TULP1: variants seen among roughly 807,000 people sequenced by gnomAD.
TULP1 encodes TUB like protein 1, also known as tubby-related protein 1.
A neutral mutation model predicts 67.1 loss-of-function variants in TULP1; 50 were observed. That is an observed-to-expected ratio of 0.75 (90% CI 0.59 to 0.94). The LOEUF (loss-of-function observed/expected upper bound fraction) is 0.94. Among genes scored for constraint, TULP1 ranks in the 40% least tolerant of loss-of-function variants. The pLI, the probability that TULP1 is intolerant of heterozygous loss-of-function variation, is 0.00. For synonymous variants in TULP1, 297 were observed against 294.0 expected (o/e 1.01, Z -0.11); for missense variants, 746 against 734.1 (o/e 1.02, Z -0.19).
Position 35,506,242 on chromosome 6 carries a change from T to C in TULP1, c.828+32A>G, listed in dbSNP as rs76949152. The C allele has an allele frequency of 2.7e-4, 430 of 1,604,818 alleles. 5 individuals carry two copies. The African/African-American group carries it at 4.6e-3, about 17-fold the overall frequency. On this transcript the variant is annotated intron_variant, in intron 9 of 14. Transcript: ENST00000229771. ...CCCCGCTCCCAGCAGGTCCCAGTGC[T>C]GAGACACGGGCAGCCCGGCAGGACA... is the stretch of plus-strand genomic sequence containing the variant.
At chr6:35,510,014 C>A in intron 5 of TULP1, 86 bp from the exon 6 acceptor site, 1 of 1,318,740 alleles carries the variant, frequency 7.6e-7, no homozygotes, top group Non-Finnish European at 1.1e-6. Context: ...TGCCTATAGT[C>A]CCCAGGGAGG....
intron 11 of TULP1, chr6:35,504,274 G>GGCTGCAGT: frequency 4.2e-6 from 1 of 236,712 alleles, no homozygotes; most frequent in Non-Finnish European, 8.5e-6. Flanking sequence ...GGGAGGTCGA[G>GGCTGCAGT]GCTGCAGTGA....
At chr6:35,504,812 C>T (rs929119506) in intron 11 of TULP1, among the ~76,000 whole-genome samples, 4 of 151,908 alleles carry the variant, frequency 2.6e-5, no homozygotes, top group African/African-American at 4.8e-5. Flanking sequence ...GTGATCCGCC[C>T]GCCTCAGCCT....
At chr6:35,505,935 C>T (rs1451684020) in intron 10 of TULP1, 68 bp downstream of exon 10, 3 of 1,614,048 alleles carry the variant, frequency 1.9e-6, no homozygotes, top group Non-Finnish European at 2.5e-6. Flanking sequence ...GAAATCAGGC[C>T]CGTTTGTCCC....
chr6:35,502,538 G>T (rs1760986673), intron 13 of TULP1, among the ~76,000 whole-genome samples: 1 of 151,790 alleles, frequency 6.6e-6, no homozygotes, highest in Admixed American at 6.6e-5. Flanking sequence ...CTGTTGCCCA[G>T]GCTGGAGTGC....
At position 35,498,205 on chromosome 6, in the gene TULP1, G is replaced by A; in HGVS notation, c.*122C>T. ...GACGGAGGTCACCGAGAGGCAGTGAGAGGTCAGCCCCGACACAGGAGCAGT... is the reference window on the plus strand; with the variant it reads ...GACGGAGGTCACCGAGAGGCAGTGAAAGGTCAGCCCCGACACAGGAGCAGT... On this transcript the variant is annotated 3_prime_UTR_variant, in exon 15 of 15. Coordinates refer to ENST00000229771, the MANE Select transcript of TULP1 (RefSeq NM_003322.6). This position sits in a 1 kb window ranked among gnomAD's most constrained non-coding sequence, Gnocchi z 6.7. 6.8e-7 allele frequency: 1 copy of A among 1,462,974 alleles called. No homozygotes were observed. Among genetic ancestry groups the A allele is most frequent in the South Asian group, 1.3e-5 (1 of 78,784 alleles). 90.6% of individuals were successfully genotyped at this position (1,462,974 alleles called of 1,614,324 possible). A position where few individuals can be genotyped will look rare whatever the true frequency, so the allele number is the denominator to read the frequency against.
At position 35,510,767 on chromosome 6, in the gene TULP1, G is replaced by T. The variant is rs1761180136; in HGVS notation, c.499+94C>A. 16 of 1,603,622 alleles carry T rather than the reference G, an allele frequency of 1.0e-5. No individual in the cohort carries two copies. In the South Asian group the frequency reaches 1.5e-4, roughly 15 times the overall value. ...GTCACAGCACTGGGTTCATTTTGAG[G>T]CCTCAATCGCTGTGTCTCAGTGAGA... On this transcript the variant is annotated intron_variant, in intron 5 of 14. Coordinates refer to ENST00000229771, the MANE Select transcript of TULP1 (RefSeq NM_003322.6).
At position 35,509,303 on chromosome 6, in the gene TULP1, T is replaced by G. The variant is rs773686857; in HGVS notation, c.728A>C (p.Lys243Thr). ...KKALKKKGTPKGARKEEEEEE... is the reference protein window; with the variant it reads ...KKALKKKGTPTGARKEEEEEE... Reference sequence around the variant, plus strand: ...CTCTTCTTCCTCCTTCCTCGCGCCTTTGGGAGTGCCTGAGCGTGGAGGGGG... The same window carrying G: ...CTCTTCTTCCTCCTTCCTCGCGCCTGTGGGAGTGCCTGAGCGTGGAGGGGG... The change falls in exon 8 of 15, where the codon AAA (lysine) becomes ACA (threonine). Residue 243 changes from lysine to threonine, a missense_variant. Physicochemically the swap from Lys to Thr is moderately conservative, Grantham distance 78. Around this residue, in one of 3 missense-constraint regions of TULP1, gnomAD observed 359 missense variants for 341.9 expected, o/e 1.05. Coordinates refer to ENST00000229771, the MANE Select transcript of TULP1 (RefSeq NM_003322.6). The G allele has an allele frequency of 5.6e-6, 9 of 1,614,010 alleles. No homozygotes were observed. The Admixed American group carries it at 1.2e-4, about 21-fold the overall frequency.
rs773507803 is a variant in TULP1 at position 35,506,141 on chromosome 6, C to T, written c.861G>A (p.Glu287=). Residue 287 remains glutamate, a synonymous_variant, in exon 10 of 15, where the codon GAG becomes GAA. Coordinates refer to ENST00000229771, the MANE Select transcript of TULP1 (RefSeq NM_003322.6). ...KEERAPSPPV[E]VDEPREFVLR... The stretch of plus-strand genomic sequence containing the variant: ...GCACAAACTCCCGGGGTTCGTCCAC[C>T]TCCACGGGGGGAGACGGGGCCCTCT... 4 of 1,613,734 alleles carry T rather than the reference C, an allele frequency of 2.5e-6. No individual in the cohort carries two copies. Among genetic ancestry groups the T allele is most frequent in the East Asian group, 2.2e-5 (1 of 44,886 alleles).
In TULP1 at chr6:35,512,545, G is replaced by A; in HGVS notation, c.99+94C>T. 2.6e-6 allele frequency: 4 copies of A among 1,539,980 alleles called. No homozygotes were observed. In the South Asian group the frequency reaches 4.5e-5, roughly 17 times the overall value. On this transcript the variant is annotated intron_variant, in intron 2 of 14. Coordinates refer to ENST00000229771, the MANE Select transcript of TULP1 (RefSeq NM_003322.6). ...ACATGCAACCCCCAGACCCTGCTAA[G>A]GGGGACCTGTCCCACCCCTAGACCC...
At position 35,509,204 on chromosome 6, in the gene TULP1, C is replaced by T. The variant is rs1761141030; in HGVS notation, c.822+5G>A. On this transcript the variant is annotated splice_donor_5th_base_variant and intron_variant, in intron 8 of 14. Transcript: ENST00000229771. The stretch of plus-strand genomic sequence containing the variant: ...CCTCAGCCCCCTGCCCCTCTGGGCC[C>T]CAACCTTTTTGCCTTTTCCTTTGGC... 1.2e-6 allele frequency: 2 copies of T among 1,613,612 alleles called. No homozygotes were observed. The highest frequency in any genetic ancestry group is 2.2e-5 in the East Asian group (1 of 44,880).
chr6:35,511,013 G>A lies in TULP1; in HGVS notation c.350-3C>T. 2 of 1,604,504 alleles carry A rather than the reference G, an allele frequency of 1.2e-6. No individual in the cohort carries two copies. Among genetic ancestry groups the A allele is most frequent in the Non-Finnish European group, 8.5e-7 (1 of 1,179,970 alleles). On this transcript the variant is annotated splice_region_variant and splice_polypyrimidine_tract_variant and intron_variant, in intron 4 of 14. Coordinates refer to ENST00000229771, the MANE Select transcript of TULP1 (RefSeq NM_003322.6). ...GTCCTCCTCTTCCTCCTCCTCCTCT[G>A]CAGGTAGAAACTCTTCATAATGGGG...
intron 3 of TULP1, 90 bp downstream of exon 3, chr6:35,512,090 A>G: frequency 3.1e-6 from 2 of 636,894 alleles, no homozygotes; most frequent in Non-Finnish European, 2.2e-6. Context: ...ACCCCGTTCC[A>G]GGGCTCGGCG....
intron 2 of TULP1, 24 bp downstream of exon 2, chr6:35,512,615 T>G (rs200197646): frequency 9.7e-5 from 156 of 1,613,690 alleles, no homozygotes; most frequent in Middle Eastern, 3.3e-4. Flanking sequence ...TCTTTCTGCT[T>G]CCTTTCCAAG....
At chr6:35,506,344 C>A in intron 8 of TULP1, 65 bp from the exon 9 acceptor site, 1 of 1,546,430 alleles carries the variant, frequency 6.5e-7, no homozygotes. Flanking sequence ...GCGGGGAAGC[C>A]ACTGCCCCTC....
At chr6:35,500,564 G>A (rs1306570969) in intron 13 of TULP1, among the ~76,000 whole-genome samples, 1 of 152,192 alleles carries the variant, frequency 6.6e-6, no homozygotes, top group Non-Finnish European at 1.5e-5. Context: ...GTACTTGGAG[G>A]AGAGTTTCTG....
At chr6:35,509,083 A>G in intron 8 of TULP1, 126 bp downstream of exon 8, 1 of 849,986 alleles carries the variant, frequency 1.2e-6, no homozygotes, top group Admixed American at 1.8e-5. Flanking sequence ...ATATCCTGTC[A>G]CAAGAGGGGG....
At chr6:35,507,724 C>A (rs900838221) in intron 8 of TULP1, among the ~76,000 whole-genome samples, 17 of 152,168 alleles carry the variant, frequency 1.1e-4, no homozygotes, top group African/African-American at 4.1e-4. Context: ...CATGGACTGC[C>A]AGCCTGGGTG....
chr6:35,498,023 C>G lies in TULP1; in HGVS notation c.*304G>C. On this transcript the variant is annotated 3_prime_UTR_variant, in exon 15 of 15. Coordinates refer to ENST00000229771, the MANE Select transcript of TULP1 (RefSeq NM_003322.6). The surrounding 1 kb of genome is among the most constrained non-coding windows in gnomAD (Gnocchi z 6.7). ...TTAAAACAACAATGACTACTGCTCCCGGACAGGAAGTGACTGGGGCGCGGG... is the reference window on the plus strand; with the variant it reads ...TTAAAACAACAATGACTACTGCTCCGGGACAGGAAGTGACTGGGGCGCGGG... The G allele has an allele frequency of 1.8e-6, 1 of 554,084 alleles. No individual in the cohort carries two copies. Among genetic ancestry groups the G allele is most frequent in the Non-Finnish European group, 3.2e-6 (1 of 307,992 alleles). The allele number at this position is 554,084 out of a possible 1,614,324, so 34.3% of individuals were successfully genotyped here. A position where few individuals can be genotyped will look rare whatever the true frequency, so the allele number is the denominator to read the frequency against.
Sources: gnomAD v4.1 joint callset for allele counts (sites outside exome capture counted in the v4.1 genomes callset) on GRCh38, gnomAD v4.1.1 for gene constraint, gnomAD v4.1.1 regional missense constraint, Gnocchi (gnomAD v3.1) non-coding constraint, MANE v1.5 for transcripts, NCBI Gene and HGNC (gene_info 2026-07-23, HGNC 2026-07-21) for gene names.